The following ZNF2 variants were observed in gnomAD, a reference collection of about 807,000 sequenced individuals.
ZNF2 encodes the protein zinc finger protein 2.2.
Under a neutral mutation model 21.9 loss-of-function variants are expected in ZNF2, and 12 were observed. The ratio of observed to expected loss-of-function variants is 0.55; its 90% CI spans 0.35 to 0.89. The LOEUF is 0.89. ZNF2 is among the 40% of genes least tolerant of loss of function. ZNF2 has a pLI of 0.01. For synonymous variants in ZNF2, 186 were observed against 196.3 expected, an observed-to-expected ratio of 0.95 and a Z score of 0.44; for missense variants, 462 against 544.2, an observed-to-expected ratio of 0.85 and a Z score of 1.50.
chr2:95,173,387 C>T (rs561968538), intron 1 of ZNF2, among the ~76,000 whole-genome samples: 1 of 152,192 alleles, frequency 6.6e-6, no homozygotes, highest in Non-Finnish European at 1.5e-5. Context: ...AATGCCACCT[C>T]AGTCATACAT....
In ZNF2 at chr2:95,182,722, T is replaced by C. The variant is rs1465380523; in HGVS notation, c.*616T>C. On this transcript the variant is annotated 3_prime_UTR_variant, in exon 5 of 5. Transcript: ENST00000614034. The stretch of plus-strand genomic sequence containing the variant: ...ATCTCCAGATGAGCACCCTGAGGTT[T>C]AGAGAGATTAAATCACTTGCCCAAG... The C allele has an allele frequency of 2.6e-5, 4 of 152,742 alleles. No individual in the cohort carries two copies. Among genetic ancestry groups the C allele is most frequent in the African/African-American group, 9.6e-5 (4 of 41,456 alleles). The allele number at this position is 152,742 out of a possible 1,614,324, so 9.5% of individuals were successfully genotyped here.
At chr2:95,175,292 A>C (rs956822099) in intron 1 of ZNF2, among the ~76,000 whole-genome samples, 7 of 152,204 alleles carry the variant, frequency 4.6e-5, no homozygotes. Flanking sequence ...ATGGCAATCT[A>C]TGAATAAATA....
intron 1 of ZNF2, among the ~76,000 whole-genome samples, chr2:95,171,834 A>C (rs1046040595): frequency 1.3e-5 from 2 of 152,068 alleles, no homozygotes; most frequent in Non-Finnish European, 2.9e-5. Context: ...CACCACAGCC[A>C]CTCAGTGTGG....
intron 1 of ZNF2, among the ~76,000 whole-genome samples, chr2:95,167,231 C>T (rs1674093738): frequency 6.6e-6 from 1 of 152,200 alleles, no homozygotes; most frequent in Non-Finnish European, 1.5e-5. Context: ...TGGCCGGGCA[C>T]AGTGGCTCAC....
rs371879739 is a variant in ZNF2 at position 95,181,439 on chromosome 2, G to A, written c.611G>A (p.Arg204His). 2.1e-5 allele frequency: 34 copies of A among 1,614,146 alleles called. No individual in the cohort carries two copies. Among genetic ancestry groups the A allele is most frequent in the African/African-American group, 1.3e-4 (10 of 75,038 alleles). Residue 204 changes from arginine (R) to histidine (H), a missense_variant, in exon 5 of 5, where the codon CGC becomes CAC. Transcript: ENST00000614034. ...THTGEKPYDC[R>H]ECGKAFSHRS... ...ACTGGGGAGAAGCCCTACGACTGCCGCGAGTGTGGGAAAGCCTTCAGCCAC... is the reference window on the plus strand; with the variant it reads ...ACTGGGGAGAAGCCCTACGACTGCCACGAGTGTGGGAAAGCCTTCAGCCAC...
At chr2:95,179,633 C>T (rs1424876359) in intron 3 of ZNF2, among the ~76,000 whole-genome samples, 2 of 152,212 alleles carry the variant, frequency 1.3e-5, no homozygotes, top group African/African-American at 4.8e-5. Context: ...CGGGTTCTCT[C>T]AACCTTCTGA....
intron 4 of ZNF2, 38 bp downstream of exon 4, chr2:95,180,310 T>G (rs1435405520): frequency 1.4e-6 from 2 of 1,446,768 alleles, no homozygotes; most frequent in East Asian, 2.3e-5. Flanking sequence ...GAATTTTGTT[T>G]GGCTTTTTGT....
rs1360023700 is a variant in ZNF2, at chr2:95,180,292, A to G, written c.274+20A>G. 1 of 1,547,764 alleles carries G rather than the reference A, an allele frequency of 6.5e-7. No homozygotes were observed. Among genetic ancestry groups the G allele is most frequent in the East Asian group, 2.2e-5 (1 of 44,490 alleles). ...CTCTAGGTAACTGAGTGTGAACAAGACAGAATGGAATTTTGTTTGGCTTTT... is the reference window on the plus strand; with the variant it reads ...CTCTAGGTAACTGAGTGTGAACAAGGCAGAATGGAATTTTGTTTGGCTTTT... On this transcript the variant is annotated intron_variant, in intron 4 of 4. Transcript: ENST00000614034.
intron 1 of ZNF2, among the ~76,000 whole-genome samples, chr2:95,171,954 C>T (rs893393701): frequency 9.9e-5 from 15 of 152,134 alleles, no homozygotes; most frequent in African/African-American, 2.4e-5. Flanking sequence ...ATGATGATGA[C>T]CCTGCAAGGA....
intron 4 of ZNF2, 40 bp from the exon 5 acceptor site, chr2:95,181,063 G>A (rs1674621785): frequency 1.9e-6 from 3 of 1,592,366 alleles, no homozygotes; most frequent in Non-Finnish European, 2.6e-6. Flanking sequence ...ATATTTCCTA[G>A]CCCAGGAAAA....
At chr2:95,172,965 ATT>A (rs58424759) in intron 1 of ZNF2, among the ~76,000 whole-genome samples, 5 of 138,990 alleles carry the variant, frequency 3.6e-5, no homozygotes, top group Non-Finnish European at 4.7e-5. Context: ...TCAGTTGTTG[ATT>A]TTTTTTTTTT....
rs757283553 is a variant in ZNF2 at position 95,177,473 on chromosome 2, G to A, written c.34-10G>A. 28 of 1,613,116 alleles carry A rather than the reference G, an allele frequency of 1.7e-5. 1 individual carries two copies. Among genetic ancestry groups the A allele is most frequent in the South Asian group, 1.3e-4 (12 of 90,950 alleles). On this transcript the variant is annotated splice_polypyrimidine_tract_variant and intron_variant, in intron 2 of 4. Transcript: ENST00000614034. ...ATTAAGAGTAAGGGAGAATGTGATT[G>A]TATTTTCAGGAATCAGTGACATTCG...
chr2:95,174,261 G>C (rs1674371131), intron 1 of ZNF2, among the ~76,000 whole-genome samples: 1 of 152,158 alleles, frequency 6.6e-6, no homozygotes, highest in South Asian at 2.1e-4. Flanking sequence ...ATTCCTAGGA[G>C]AGAATTGCTG....
intron 1 of ZNF2, among the ~76,000 whole-genome samples, chr2:95,169,108 A>T (rs560835571): frequency 6.6e-6 from 1 of 152,336 alleles, no homozygotes; most frequent in South Asian, 2.1e-4. Flanking sequence ...GGATTTGAGA[A>T]GTCTTCAGTG....
chr2:95,178,050 G>A (rs138204859), intron 3 of ZNF2, among the ~76,000 whole-genome samples: 40 of 152,252 alleles, frequency 2.6e-4, no homozygotes, highest in East Asian at 2.5e-3. Context: ...CCATCTTGTC[G>A]GAATTCAGGG....
chr2:95,178,915 G>A (rs918944884), intron 3 of ZNF2, among the ~76,000 whole-genome samples: 8 of 150,976 alleles, frequency 5.3e-5, no homozygotes, highest in Non-Finnish European at 1.0e-4. Flanking sequence ...AAATAAAATG[G>A]TATTTTAAAT....
At position 95,165,856 on chromosome 2, in the gene ZNF2, C is replaced by G. The variant is rs548352808; in HGVS notation, c.-44C>G. ...TTCCCGGGTCCCGAGCACTCTGTGC[C>G]GGAGGTGAGGGTTGTGGGTGTGTGT... is the stretch of plus-strand genomic sequence containing the variant. On this transcript the variant is annotated 5_prime_UTR_variant, in exon 1 of 5. Transcript: ENST00000614034. The G allele has an allele frequency of 2.6e-5, 4 of 152,264 alleles. No homozygotes were observed. The highest frequency in any genetic ancestry group is 7.2e-5 in the African/African-American group (3 of 41,448). The allele number at this position is 152,264 out of a possible 1,614,324, so 9.4% of individuals were successfully genotyped here. A position where few individuals can be genotyped will look rare whatever the true frequency, so the allele number is the denominator to read the frequency against.
At chr2:95,180,544 C>G (rs1264506666) in intron 4 of ZNF2, among the ~76,000 whole-genome samples, 1 of 148,386 alleles carries the variant, frequency 6.7e-6, no homozygotes, top group South Asian at 2.1e-4. Flanking sequence ...GAGTCTCGCT[C>G]TGTTGCCCAG....
At position 95,181,999 on chromosome 2, in the gene ZNF2, C is replaced by G. The variant is rs1197754389; in HGVS notation, c.1171C>G (p.His391Asp). ...CCGGCTCACGCGGCATCAGCGTGTCCACACGGGAGAGAAGCCCTTTGAATG... is the reference window on the plus strand; with the variant it reads ...CCGGCTCACGCGGCATCAGCGTGTCGACACGGGAGAGAAGCCCTTTGAATG... ...RCRLTRHQRV[H>D]TGEKPFECTV... The change falls in exon 5 of 5, where the codon CAC becomes GAC. Residue 391 changes from histidine to aspartate, a missense_variant. By Grantham distance (81) the His-to-Asp change is moderately conservative. Coordinates refer to ENST00000614034, the MANE Select transcript of ZNF2 (RefSeq NM_021088.4). The G allele has an allele frequency of 4.3e-6, 7 of 1,614,292 alleles. No individual in the cohort carries two copies. The highest frequency in any genetic ancestry group is 4.2e-6 in the Non-Finnish European group (5 of 1,180,056).
Sources: allele counts gnomAD v4.1 joint callset (sites outside exome capture counted in the v4.1 genomes callset), GRCh38; gene constraint gnomAD v4.1.1; transcripts MANE v1.5; gene names NCBI Gene and HGNC (gene_info 2026-07-23, HGNC 2026-07-21).